The following CFAP77 variants were observed in gnomAD, a reference collection of about 807,000 sequenced individuals.
The protein encoded by CFAP77 is cilia and flagella associated protein 77.
CFAP77 carries 25 observed loss-of-function variants against 31.1 expected under a neutral mutation model. The ratio of observed to expected loss-of-function variants is 0.80; its 90% CI spans 0.59 to 1.12. CFAP77 has a LOEUF of 1.12. Ranked by LOEUF, CFAP77 falls within the 50% of genes most tolerant of loss-of-function variation. The probability of loss-of-function intolerance (pLI) is 0.00; values close to 1 mark genes in which losing one functional copy is unlikely to be tolerated. For synonymous variants in CFAP77, 151 were observed against 159.9 expected, an observed-to-expected ratio of 0.94 and a Z score of 0.42; for missense variants, 377 against 397.3, an observed-to-expected ratio of 0.95 and a Z score of 0.44.
At chr9:132,544,158 C>A (rs547225222) in intron 5 of CFAP77, among the ~76,000 whole-genome samples, 3 of 59,268 alleles carry the variant, frequency 5.1e-5, no homozygotes, top group Non-Finnish European at 1.1e-4. Flanking sequence ...CCTGCTCTGC[C>A]CCCCCTTGAC....
intron 1 of CFAP77, among the ~76,000 whole-genome samples, chr9:132,437,789 G>A (rs924242894): frequency 1.3e-5 from 2 of 151,374 alleles, no homozygotes; most frequent in African/African-American, 4.9e-5. Context: ...GGGATTACAG[G>A]TGTGAGCCAC....
rs141189397 is a variant in CFAP77, at chr9:132,468,453, A to G, written c.196-30242A>G. On this transcript the variant is annotated intron_variant, in intron 1 of 5. Transcript: ENST00000393216. ...CATTCCAGGATGCTTTCTCTGGAAT[A>G]GGGAACCTCCCATGCCCCACCTGCC... Among the ~76,000 whole-genome samples, 874 of 152,304 alleles carry G rather than the reference A, an allele frequency of 5.7e-3. 8 individuals are homozygous for G. Among genetic ancestry groups the G allele is most frequent in the African/African-American group, 0.02 (813 of 41,570 alleles).
chr9:132,462,162 C>T (rs996595133), intron 1 of CFAP77, among the ~76,000 whole-genome samples: 7 of 152,086 alleles, frequency 4.6e-5, no homozygotes, highest in Non-Finnish European at 8.8e-5. Flanking sequence ...GTTTACAAAC[C>T]GCAGTCTTGG....
chr9:132,513,732 C>A (rs532193442), intron 3 of CFAP77, among the ~76,000 whole-genome samples: 1 of 152,292 alleles, frequency 6.6e-6, no homozygotes, highest in East Asian at 1.9e-4. Flanking sequence ...CCCTGGCACA[C>A]CTGGTGCCCC....
At chr9:132,416,329 A>ATTTTT (rs71503303) in intron 1 of CFAP77, among the ~76,000 whole-genome samples, 4 of 60,274 alleles carry the variant, frequency 6.6e-5, no homozygotes, top group Non-Finnish European at 9.4e-5. Flanking sequence ...TTCTTATCTG[A>ATTTTT]TTTTTTTTTT....
intron 3 of CFAP77, among the ~76,000 whole-genome samples, chr9:132,521,258 G>A (rs760892793): frequency 2.6e-5 from 4 of 152,182 alleles, no homozygotes; most frequent in Middle Eastern, 3.2e-3. Flanking sequence ...GCTTGCACCC[G>A]TCCTGAAGGA....
chr9:132,456,809 G>A (rs984117314), intron 1 of CFAP77, among the ~76,000 whole-genome samples: 2 of 151,800 alleles, frequency 1.3e-5, no homozygotes, highest in Non-Finnish European at 2.9e-5. Flanking sequence ...GGAGTGCAGT[G>A]GTGCAATCTC....
rs1274624259 is a variant in CFAP77 at position 132,512,257 on chromosome 9, A to G, written c.524+12657A>G. ...AACTTCACGTGGCTGTCTCTCCTGC[A>G]TCTCTGTCTTCTCCTCTTCTGTCTC... On this transcript the variant is annotated intron_variant, in intron 3 of 5. Transcript: ENST00000393216. Among the ~76,000 whole-genome samples the G allele has an allele frequency of 4.6e-5, 7 of 152,168 alleles. No individual in the cohort carries two copies. The East Asian group carries it at 9.6e-4, about 21-fold the overall frequency.
chr9:132,433,971 TA>T (rs1229342874), intron 1 of CFAP77, among the ~76,000 whole-genome samples: 4,255 of 129,846 alleles, frequency 0.033, 167 homozygotes, highest in African/African-American at 0.1. Flanking sequence ...ACCCCATGTG[TA>T]AAAAAAAAAA....
At chr9:132,505,851 G>A (rs1440783454) in intron 3 of CFAP77, among the ~76,000 whole-genome samples, 1 of 152,130 alleles carries the variant, frequency 6.6e-6, no homozygotes, top group African/African-American at 2.4e-5. Flanking sequence ...GGAACCCCTG[G>A]TGTAGACGGA....
At chr9:132,553,750 T>A (rs1852856042) in intron 5 of CFAP77, among the ~76,000 whole-genome samples, 2 of 152,252 alleles carry the variant, frequency 1.3e-5, no homozygotes, top group Admixed American at 6.5e-5. Context: ...CTCCACGGTC[T>A]CCACCAGTCC....
chr9:132,492,189 G>A (rs1416567375), intron 1 of CFAP77, among the ~76,000 whole-genome samples: 1 of 152,158 alleles, frequency 6.6e-6, no homozygotes, highest in South Asian at 2.1e-4. Flanking sequence ...TCTGGAGGCT[G>A]AGGTGGGAGG....
rs1851451397 is a variant in CFAP77, at chr9:132,481,922, T to G, written c.196-16773T>G. 6.7e-6 allele frequency among the ~76,000 whole-genome samples: 1 copy of G among 150,226 alleles called. No homozygotes were observed. The highest frequency in any genetic ancestry group is 2.4e-5 in the African/African-American group (1 of 40,892). On this transcript the variant is annotated intron_variant, in intron 1 of 5. Transcript: ENST00000393216. This position sits in a 1 kb window ranked among gnomAD's most constrained non-coding sequence, Gnocchi z 5.0. ...AAACAAAAGTCACTGGAGCGGGCGT[T>G]TTCATCTGTTCTCAGGAAGGAACAA...
At chr9:132,516,200 A>AT (rs1327967788) in intron 3 of CFAP77, among the ~76,000 whole-genome samples, 2 of 152,172 alleles carry the variant, frequency 1.3e-5, no homozygotes, top group Non-Finnish European at 2.9e-5. Context: ...GAATCTTCTG[A>AT]TTTTTAAAAA....
chr9:132,476,838 C>T (rs1325837754), intron 1 of CFAP77, among the ~76,000 whole-genome samples: 1 of 152,176 alleles, frequency 6.6e-6, no homozygotes, highest in East Asian at 1.9e-4. Context: ...CCAGAAGGAA[C>T]CACTGCTGCT....
intron 1 of CFAP77, among the ~76,000 whole-genome samples, chr9:132,418,330 C>T: frequency 6.6e-6 from 1 of 152,204 alleles, no homozygotes; most frequent in East Asian, 1.9e-4. Flanking sequence ...GGACAGCGCT[C>T]CCAACCCCAA....
chr9:132,502,777 G>A (rs746580325), intron 3 of CFAP77, among the ~76,000 whole-genome samples: 1 of 152,220 alleles, frequency 6.6e-6, no homozygotes, highest in Non-Finnish European at 1.5e-5. Flanking sequence ...GGACGGACAC[G>A]TGTCTGTTCC....
Position 132,542,966 on chromosome 9 carries a change from TG to T in CFAP77, c.652del (p.Glu218ArgfsTer7). ...TACAGGTGGTCCTTGGGAAGCTGTA[TG>T]AGACCCGGAGCAGTCAGCTGAGGAA... ...KQKVVLGKLY[E>X]TRSSQLRKYK... On this transcript the variant is annotated frameshift_variant, in exon 5 of 6. Transcript: ENST00000393216. LOFTEE classifies it high-confidence loss of function. 6.2e-7 allele frequency: 1 copy of T among 1,613,756 alleles called. No homozygotes were observed. Among genetic ancestry groups the T allele is most frequent in the Non-Finnish European group, 8.5e-7 (1 of 1,179,630 alleles).
At chr9:132,461,628 G>A (rs1009560123) in intron 1 of CFAP77, among the ~76,000 whole-genome samples, 5 of 152,174 alleles carry the variant, frequency 3.3e-5, no homozygotes, top group Non-Finnish European at 7.3e-5. Context: ...CTACCGGGAC[G>A]GCCAAGGGAA....
Sources: allele counts gnomAD v4.1 joint callset (sites outside exome capture counted in the v4.1 genomes callset), GRCh38; gene constraint gnomAD v4.1.1; non-coding constraint Gnocchi (gnomAD v3.1); transcripts MANE v1.5; gene names NCBI Gene and HGNC (gene_info 2026-07-23, HGNC 2026-07-21).